CFAP58: variants seen among roughly 807,000 people sequenced by gnomAD.
CFAP58 encodes the protein cilia- and flagella-associated protein 58.
CFAP58 carries 88 observed loss-of-function variants against 119.5 expected under a neutral mutation model. The ratio of observed to expected loss-of-function variants is 0.74; its 90% CI spans 0.62 to 0.88. The LOEUF (loss-of-function observed/expected upper bound fraction) is 0.88, where lower values mean the gene tolerates loss of function less well. CFAP58 is among the 40% of genes least tolerant of loss of function. CFAP58 has a pLI of 0.00. For synonymous variants in CFAP58, 365 were observed against 366.3 expected (o/e 1.00, Z 0.04); for missense variants, 990 against 1,021.2 (o/e 0.97, Z 0.42).
chr10:104,400,948 G>A (rs1357511922), intron 13 of CFAP58, 45 bp downstream of exon 13: 1 of 1,420,554 alleles, frequency 7.0e-7, no homozygotes, highest in African/African-American at 1.4e-5. Flanking sequence ...GTGCAACGTG[G>A]GGAGCTCCTA....
intron 15 of CFAP58, among the ~76,000 whole-genome samples, chr10:104,441,354 T>C (rs2013034688): frequency 6.6e-6 from 1 of 152,334 alleles, no homozygotes; most frequent in African/African-American, 2.4e-5. Flanking sequence ...ATAGAGTTAT[T>C]GCTAAATAAA....
chr10:104,357,932 C>CACACATATAT (rs2014595121), intron 1 of CFAP58, among the ~76,000 whole-genome samples: 1 of 107,376 alleles, frequency 9.3e-6, no homozygotes, highest in African/African-American at 4.9e-5. Flanking sequence ...TACACATATA[C>CACACATATAT]ACACATATAT....
At chr10:104,371,573 C>T (rs576875479) in intron 7 of CFAP58, among the ~76,000 whole-genome samples, 2 of 152,286 alleles carry the variant, frequency 1.3e-5, no homozygotes, top group Admixed American at 1.3e-4. Context: ...TTAAGTGCCA[C>T]AGGGAGGTAC....
intron 17 of CFAP58, among the ~76,000 whole-genome samples, chr10:104,450,852 T>G (rs1276599457): frequency 6.6e-6 from 1 of 151,858 alleles, no homozygotes; most frequent in Non-Finnish European, 1.5e-5. Context: ...CCTGCCTAGG[T>G]TTTTAGATAG....
At chr10:104,422,572 G>A (rs1449577013) in intron 15 of CFAP58, among the ~76,000 whole-genome samples, 6 of 152,160 alleles carry the variant, frequency 3.9e-5, no homozygotes, top group Non-Finnish European at 8.8e-5. Context: ...ACCAGCTGGT[G>A]GATTGGCCCA....
intron 2 of CFAP58, 81 bp downstream of exon 2, chr10:104,358,703 TA>T: frequency 1.6e-6 from 2 of 1,271,880 alleles, no homozygotes; most frequent in Non-Finnish European, 1.1e-6. Flanking sequence ...AGGCTGGTAG[TA>T]AATGAGTTAT....
intron 11 of CFAP58, among the ~76,000 whole-genome samples, chr10:104,394,012 T>C (rs2012104358): frequency 6.6e-6 from 1 of 152,230 alleles, no homozygotes; most frequent in African/African-American, 2.4e-5. Context: ...TCACTTTACC[T>C]CTGCAGGTCT....
chr10:104,419,831 G>A (rs961091490), intron 15 of CFAP58, among the ~76,000 whole-genome samples: 13 of 152,124 alleles, frequency 8.5e-5, no homozygotes, highest in Non-Finnish European at 1.5e-4. Flanking sequence ...TGTTACCTAA[G>A]ATTCTTCCTT....
intron 17 of CFAP58, among the ~76,000 whole-genome samples, chr10:104,450,511 T>G (rs902713126): frequency 6.6e-6 from 1 of 152,184 alleles, no homozygotes; most frequent in Non-Finnish European, 1.5e-5. Context: ...GAGATAATAA[T>G]GTCATAACTA....
chr10:104,448,197 C>T (rs1394545178), intron 16 of CFAP58, among the ~76,000 whole-genome samples: 3 of 152,186 alleles, frequency 2.0e-5, no homozygotes, highest in Non-Finnish European at 4.4e-5. Flanking sequence ...AGCAGACTGC[C>T]GTGCCACAGT....
intron 9 of CFAP58, 24 bp downstream of exon 9, chr10:104,380,244 G>A (rs1335348516): frequency 1.9e-6 from 3 of 1,601,642 alleles, no homozygotes; most frequent in South Asian, 1.1e-5. Context: ...TGATGTTGTG[G>A]GTGGAGCAGA....
chr10:104,352,405 C>T (rs2014470723), upstream of CFAP58, among the ~76,000 whole-genome samples: 1 of 152,164 alleles, frequency 6.6e-6, no homozygotes. Context: ...TTGAAAATAT[C>T]ACACCCTCTA....
chr10:104,419,450 C>T (rs981911472), intron 15 of CFAP58, among the ~76,000 whole-genome samples: 27 of 152,086 alleles, frequency 1.8e-4, no homozygotes, highest in African/African-American at 5.8e-4. Flanking sequence ...AGAAATGATA[C>T]GGTCCCAAAC....
chr10:104,368,670 T>G, intron 6 of CFAP58, 110 bp downstream of exon 6: 2 of 1,152,158 alleles, frequency 1.7e-6, no homozygotes, highest in South Asian at 1.5e-5. Flanking sequence ...ACTGAGTACA[T>G]TGACACATCA....
intron 7 of CFAP58, among the ~76,000 whole-genome samples, chr10:104,373,715 A>G (rs1384037028): frequency 2.0e-5 from 3 of 152,208 alleles, no homozygotes; most frequent in African/African-American, 2.4e-5. Flanking sequence ...CCAGAAGAAT[A>G]AACATATGAA....
chr10:104,342,396 T>C, the CFAP58 span, among the ~76,000 whole-genome samples: 2 of 152,218 alleles, frequency 1.3e-5, no homozygotes. Flanking sequence ...GCCACCTTTA[T>C]GTGTTTATGT....
At chr10:104,426,790 C>G (rs1199443303) in intron 15 of CFAP58, among the ~76,000 whole-genome samples, 1 of 152,164 alleles carries the variant, frequency 6.6e-6, no homozygotes, top group East Asian at 1.9e-4. Flanking sequence ...TGTATCCAAC[C>G]TATCATACTA....
chr10:104,425,284 T>C (rs2012725165), intron 15 of CFAP58, among the ~76,000 whole-genome samples: 1 of 152,218 alleles, frequency 6.6e-6, no homozygotes, highest in South Asian at 2.1e-4. Context: ...TGAGGACAGA[T>C]GAAGAGTCAA....
At chr10:104,426,033 A>G (rs2012739061) in intron 15 of CFAP58, among the ~76,000 whole-genome samples, 1 of 152,156 alleles carries the variant, frequency 6.6e-6, no homozygotes, top group Non-Finnish European at 1.5e-5. Flanking sequence ...GGAGTTTGAC[A>G]CCAGCCTGGG....
Sources: gnomAD v4.1 joint callset for allele counts (sites outside exome capture counted in the v4.1 genomes callset) on GRCh38, gnomAD v4.1.1 for gene constraint, MANE v1.5 for transcripts, NCBI Gene and HGNC (gene_info 2026-07-23, HGNC 2026-07-21) for gene names.